Variants in FXYD6 observed in about 807,000 individuals in gnomAD.
FXYD6 encodes FXYD domain containing ion transport regulator 6, also known as FXYD domain-containing ion transport regulator 6.
In FXYD6, 7 loss-of-function variants were observed where a neutral mutation model predicts 16.7. The observed-to-expected ratio is 0.42, with a 90% CI of 0.24 to 0.79. FXYD6 has a LOEUF of 0.79. Ranked by LOEUF, FXYD6 falls within the 30% of genes least tolerant of loss-of-function variation. The pLI is 0.28. For missense variants in FXYD6, 111 were observed against 116.2 expected (o/e 0.95, Z 0.21); for synonymous variants, 49 against 43.0 (o/e 1.14, Z -0.54).
intron 2 of FXYD6, 32 bp from the exon 3 acceptor site, chr11:117,842,060 A>C: frequency 3.1e-6 from 5 of 1,614,090 alleles, no homozygotes; most frequent in Non-Finnish European, 3.4e-6. Context: ...CAAGAGAAAG[A>C]AAGCTACACA....
intron 1 of FXYD6, among the ~76,000 whole-genome samples, chr11:117,868,444 C>T (rs1470339818): frequency 4.6e-5 from 7 of 152,188 alleles, no homozygotes; most frequent in South Asian, 2.1e-4. Context: ...AGGAGAACAT[C>T]GAACAAATCC....
Position 117,858,723 on chromosome 11 carries a change from C to CCCTTCCTTCCTTCCTT in FXYD6, c.-5-15958_-5-15943dup, listed in dbSNP as rs761682132. ...TCTTTCTCTCTCTCTCTCCTTCCTT[C>CCCTTCCTTCCTTCCTT]CCTTCCTTCCTTCCTTCCTTCCTTC... On this transcript the variant is annotated intron_variant, in intron 1 of 7. Coordinates refer to ENST00000526014, the MANE Select transcript of FXYD6 (RefSeq NM_022003.4). Among the ~76,000 whole-genome samples, 109 of 41,212 alleles carry CCCTTCCTTCCTTCCTT rather than the reference C, an allele frequency of 2.6e-3. 3 individuals carry two copies. Among genetic ancestry groups the CCCTTCCTTCCTTCCTT allele is most frequent in the Middle Eastern group, 0.012 (1 of 84 alleles). 27.0% of individuals were successfully genotyped at this position (41,212 alleles called of 152,430 possible).
intron 6 of FXYD6, 32 bp from the exon 7 acceptor site, chr11:117,839,862 A>T: frequency 6.2e-7 from 1 of 1,614,114 alleles, no homozygotes; most frequent in Non-Finnish European, 8.5e-7. Context: ...ATTATAGTGT[A>T]TAGACTCCTC....
intron 1 of FXYD6, among the ~76,000 whole-genome samples, chr11:117,856,981 G>C (rs139274736): frequency 4.0e-5 from 6 of 151,778 alleles, no homozygotes; most frequent in African/African-American, 1.2e-4. Flanking sequence ...GAGGAACAGA[G>C]GGAAGGAAGG....
rs2056308435 is a variant in FXYD6 at position 117,840,303 on chromosome 11, G to A, written c.259+16C>T. 1 of 1,614,146 alleles carries A rather than the reference G, an allele frequency of 6.2e-7. No homozygotes were observed. The highest frequency in any genetic ancestry group is 8.5e-7 in the Non-Finnish European group (1 of 1,179,998). On this transcript the variant is annotated intron_variant, in intron 6 of 7. Coordinates refer to ENST00000526014, the MANE Select transcript of FXYD6 (RefSeq NM_022003.4). The stretch of plus-strand genomic sequence containing the variant: ...TTCCCTCTTTTCCACCTGGGCAGGT[G>A]GTCACGGACAGTTACCATTGGCGGT...
intron 1 of FXYD6, among the ~76,000 whole-genome samples, chr11:117,868,042 T>A (rs1208710652): frequency 1.3e-5 from 2 of 152,170 alleles, no homozygotes; most frequent in Admixed American, 1.3e-4. Flanking sequence ...GTAGACCCCT[T>A]TCTCCAGACT....
intron 1 of FXYD6, among the ~76,000 whole-genome samples, chr11:117,875,066 C>T (rs1290056691): frequency 6.6e-6 from 1 of 151,892 alleles, no homozygotes; most frequent in Non-Finnish European, 1.5e-5. Context: ...CTCTCTCTCC[C>T]CTGCCTCAGC....
chr11:117,846,844 C>G (rs1253974629), intron 1 of FXYD6, among the ~76,000 whole-genome samples: 1 of 152,128 alleles, frequency 6.6e-6, no homozygotes, highest in Non-Finnish European at 1.5e-5. Flanking sequence ...CCTCCTCTTT[C>G]TTCAGGAATG....
At chr11:117,852,237 G>C (rs566456310) in intron 1 of FXYD6, among the ~76,000 whole-genome samples, 1 of 152,218 alleles carries the variant, frequency 6.6e-6, no homozygotes, top group Non-Finnish European at 1.5e-5. Context: ...ACTGTAGTTC[G>C]GTATGATGCT....
chr11:117,853,857 A>G (rs999002497), intron 1 of FXYD6, among the ~76,000 whole-genome samples: 8 of 152,150 alleles, frequency 5.3e-5, no homozygotes, highest in Non-Finnish European at 1.0e-4. Context: ...GGGGAGAGTA[A>G]CGGTGACTTA....
At chr11:117,839,876 C>A (rs749507642) in intron 6 of FXYD6, 46 bp from the exon 7 acceptor site, 1 of 1,613,006 alleles carries the variant, frequency 6.2e-7, no homozygotes, top group Admixed American at 1.7e-5. Flanking sequence ...ACTCCTCACC[C>A]CCGTGGGCCA....
intron 1 of FXYD6, among the ~76,000 whole-genome samples, chr11:117,864,823 G>A (rs909281803): frequency 6.6e-6 from 1 of 152,160 alleles, no homozygotes; most frequent in Non-Finnish European, 1.5e-5. Flanking sequence ...CTGACCTCGT[G>A]ATCCGCAGGC....
chr11:117,854,686 A>C (rs952196458), intron 1 of FXYD6, among the ~76,000 whole-genome samples: 2 of 152,242 alleles, frequency 1.3e-5, no homozygotes, highest in Non-Finnish European at 2.9e-5. Context: ...AGGGGAGCAG[A>C]GAGCTCAACA....
At chr11:117,842,655 T>A in intron 2 of FXYD6, 64 bp downstream of exon 2, 1 of 1,524,206 alleles carries the variant, frequency 6.6e-7, no homozygotes. Context: ...CCCAGAACCT[T>A]CCAGCAGAGA....
chr11:117,852,482 T>G (rs1421931504), intron 1 of FXYD6, among the ~76,000 whole-genome samples: 2 of 152,262 alleles, frequency 1.3e-5, no homozygotes, highest in Admixed American at 1.3e-4. Context: ...CTTCCATGAT[T>G]GCTGTTGAGA....
At chr11:117,843,453 G>A (rs2056403590) in intron 1 of FXYD6, among the ~76,000 whole-genome samples, 3 of 152,134 alleles carry the variant, frequency 2.0e-5, no homozygotes, top group Non-Finnish European at 4.4e-5. Flanking sequence ...TCTCAACTGT[G>A]TCCTTCTCTC....
At chr11:117,873,450 C>A (rs1301705475) in intron 1 of FXYD6, among the ~76,000 whole-genome samples, 1 of 152,230 alleles carries the variant, frequency 6.6e-6, no homozygotes, top group Non-Finnish European at 1.5e-5. Context: ...CTGGATTTCA[C>A]CAGAAGCCCA....
At chr11:117,861,464 G>C (rs778701165) in intron 1 of FXYD6, among the ~76,000 whole-genome samples, 4 of 152,166 alleles carry the variant, frequency 2.6e-5, no homozygotes, top group Admixed American at 2.6e-4. Context: ...CACCCTTCCC[G>C]AGTCTGGCTC....
chr11:117,871,348 C>T (rs1201970451), intron 1 of FXYD6, among the ~76,000 whole-genome samples: 1 of 151,852 alleles, frequency 6.6e-6, no homozygotes, highest in Admixed American at 6.6e-5. Context: ...CTTCCCCATG[C>T]GTGTCACAGC....
Sources: allele counts gnomAD v4.1 joint callset (sites outside exome capture counted in the v4.1 genomes callset), GRCh38; gene constraint gnomAD v4.1.1; transcripts MANE v1.5; gene names NCBI Gene and HGNC (gene_info 2026-07-23, HGNC 2026-07-21).